The following ROBO2 variants were observed in gnomAD, a reference collection of about 807,000 sequenced individuals.
The protein encoded by ROBO2 is roundabout guidance receptor 2.
In ROBO2, 53 loss-of-function variants were observed where a neutral mutation model predicts 160.8. The observed-to-expected ratio is 0.33, with a 90% CI of 0.26 to 0.41. The LOEUF is 0.41. ROBO2 is among the 10% of genes least tolerant of loss of function. The pLI is 1.00. For missense variants in ROBO2, 1,577 were observed against 1,722.4 expected (o/e 0.92, Z 1.49); for synonymous variants, 664 against 611.7 (o/e 1.09, Z -1.26).
intron 2 of ROBO2, among the ~76,000 whole-genome samples, chr3:76,024,565 G>A (rs530520885): frequency 7.9e-5 from 12 of 151,358 alleles, no homozygotes; most frequent in Non-Finnish European, 1.2e-4. Context: ...TTATAACCAC[G>A]CATTTTCAAC....
intron 6 of ROBO2, among the ~76,000 whole-genome samples, chr3:77,526,715 G>T (rs757234494): frequency 8.6e-5 from 13 of 151,466 alleles, no homozygotes; most frequent in Non-Finnish European, 1.3e-4. Context: ...ATAATTTGTT[G>T]AAGCAGCAGT....
At chr3:77,612,939 C>T (rs539407195) in intron 21 of ROBO2, among the ~76,000 whole-genome samples, 3 of 151,252 alleles carry the variant, frequency 2.0e-5, no homozygotes, top group East Asian at 2.0e-4. Context: ...GGTGACAGAG[C>T]GAGACTCCGT....
intron 2 of ROBO2, among the ~76,000 whole-genome samples, chr3:76,346,352 C>T (rs1024404594): frequency 6.6e-6 from 1 of 151,564 alleles, no homozygotes; most frequent in African/African-American, 2.4e-5. Flanking sequence ...ACAACAACAA[C>T]AAATGTAGGC....
At chr3:76,392,367 C>T (rs1297114723) in intron 2 of ROBO2, among the ~76,000 whole-genome samples, 3 of 152,052 alleles carry the variant, frequency 2.0e-5, no homozygotes, top group African/African-American at 7.2e-5. Flanking sequence ...ACTTGAAAAC[C>T]TCATGAATTG....
chr3:76,106,068 T>C (rs1383200327), intron 2 of ROBO2, among the ~76,000 whole-genome samples: 1 of 152,150 alleles, frequency 6.6e-6, no homozygotes, highest in East Asian at 1.9e-4. Context: ...CTAAGTTAAA[T>C]GATCTCTCGA....
rs541879155 is a variant in ROBO2, at chr3:77,261,931, C to T, written c.388+163591C>T. Among the ~76,000 whole-genome samples the T allele has an allele frequency of 1.8e-3, 274 of 152,180 alleles. 2 individuals are homozygous for T. Among genetic ancestry groups the T allele is most frequent in the African/African-American group, 6.3e-3 (261 of 41,522 alleles). ...TACAGGCATGAGCCACCATACCTGG[C>T]TTGATTTCATTCTTTGTGTGAAGGA... On this transcript the variant is annotated intron_variant, in intron 2 of 25. Coordinates refer to ENST00000461745, the Ensembl canonical transcript of ROBO2.
chr3:75,950,769 G>T (rs1414359583), intron 2 of ROBO2, among the ~76,000 whole-genome samples: 1 of 152,008 alleles, frequency 6.6e-6, no homozygotes, highest in Non-Finnish European at 1.5e-5. Flanking sequence ...GTGCATGTGA[G>T]GTTGATTGAC....
At chr3:76,249,669 C>A (rs764889678) in intron 2 of ROBO2, among the ~76,000 whole-genome samples, 37 of 152,178 alleles carry the variant, frequency 2.4e-4, no homozygotes, top group Non-Finnish European at 3.8e-4. Context: ...AATAATAATA[C>A]TTTACTGCAG....
intron 2 of ROBO2, among the ~76,000 whole-genome samples, chr3:76,072,102 T>C (rs920483745): frequency 4.6e-5 from 7 of 152,150 alleles, no homozygotes; most frequent in Non-Finnish European, 7.4e-5. Context: ...TTTTCACACA[T>C]ACTGTGTTCT....
At chr3:77,327,356 G>T (rs2065504572) in intron 2 of ROBO2, among the ~76,000 whole-genome samples, 1 of 152,146 alleles carries the variant, frequency 6.6e-6, no homozygotes, top group South Asian at 2.1e-4. Flanking sequence ...CGGAGAAACT[G>T]ACAGGTCTGT....
At chr3:77,502,096 A>T (rs966220321) in intron 5 of ROBO2, among the ~76,000 whole-genome samples, 1 of 152,192 alleles carries the variant, frequency 6.6e-6, no homozygotes, top group Non-Finnish European at 1.5e-5. Flanking sequence ...AAATATCAAA[A>T]CTGATATGCA....
chr3:76,470,772 TC>T (rs1436745937), intron 2 of ROBO2, among the ~76,000 whole-genome samples: 1 of 152,214 alleles, frequency 6.6e-6, no homozygotes, highest in East Asian at 1.9e-4. Flanking sequence ...TTGGGGGCCA[TC>T]TTTGGAGACT....
rs375455924 is a variant in ROBO2, at chr3:76,964,273, GTC to G, written c.110-133739_110-133738del. 1.1e-4 allele frequency among the ~76,000 whole-genome samples: 17 copies of G among 152,256 alleles called. No homozygotes were observed. In the South Asian group the frequency reaches 3.3e-3, roughly 30 times the overall value. The stretch of plus-strand genomic sequence containing the variant: ...ATTCATATTAAGGTTTAAATGTTGA[GTC>G]TAATTATTTGATCACCTTTTGGGTA... On this transcript the variant is annotated intron_variant, in intron 2 of 26. Coordinates refer to the ROBO2 transcript ENST00000487694.
At chr3:76,593,041 T>C (rs760904378) in intron 2 of ROBO2, among the ~76,000 whole-genome samples, 13 of 152,066 alleles carry the variant, frequency 8.5e-5, no homozygotes, top group Non-Finnish European at 1.8e-4. Context: ...TCACAAATAA[T>C]TGTAAGTAAT....
At chr3:76,051,999 T>A (rs1257315242) in intron 2 of ROBO2, among the ~76,000 whole-genome samples, 1 of 152,060 alleles carries the variant, frequency 6.6e-6, no homozygotes, top group Non-Finnish European at 1.5e-5. Flanking sequence ...CCTTTAACAA[T>A]TTTTATGTCC....
intron 2 of ROBO2, among the ~76,000 whole-genome samples, chr3:77,331,168 G>A (rs1198648573): frequency 5.3e-5 from 8 of 152,128 alleles, no homozygotes; most frequent in African/African-American, 1.9e-4. Context: ...CCGTTAATAC[G>A]GTAATTACAG....
At chr3:76,943,891 A>G (rs2078352624) in intron 2 of ROBO2, among the ~76,000 whole-genome samples, 1 of 152,210 alleles carries the variant, frequency 6.6e-6, no homozygotes, top group Non-Finnish European at 1.5e-5. Context: ...CTAATTTACA[A>G]ATGAGGAGGA....
At chr3:77,388,281 G>A (rs1219316579) in intron 2 of ROBO2, among the ~76,000 whole-genome samples, 2 of 152,028 alleles carry the variant, frequency 1.3e-5, no homozygotes, top group East Asian at 1.9e-4. Flanking sequence ...AGGCATGGTG[G>A]CTCACACCTA....
chr3:76,836,022 G>A (rs1391922529), intron 2 of ROBO2, among the ~76,000 whole-genome samples: 2 of 151,916 alleles, frequency 1.3e-5, no homozygotes, highest in African/African-American at 2.4e-5. Context: ...AACAATCTCT[G>A]TTATATACTA....
Sources: allele counts gnomAD v4.1 joint callset (sites outside exome capture counted in the v4.1 genomes callset), GRCh38; gene constraint gnomAD v4.1.1; transcripts MANE v1.5; gene names NCBI Gene and HGNC (gene_info 2026-07-23, HGNC 2026-07-21).